ADGRL2: variants seen among roughly 807,000 people sequenced by gnomAD.
ADGRL2 encodes the protein calcium-independent alpha-latrotoxin receptor 2.
Under a neutral mutation model 157.4 loss-of-function variants are expected in ADGRL2, and 44 were observed. That is an observed-to-expected ratio of 0.28 (90% CI 0.22 to 0.36). The LOEUF is 0.36. ADGRL2 is among the 10% of genes least tolerant of loss of function. The pLI is 1.00. For synonymous variants in ADGRL2, 585 were observed against 624.7 expected (o/e 0.94, Z 0.95); for missense variants, 1,510 against 1,768.9 (o/e 0.85, Z 2.63).
At chr1:81,382,947 T>G (rs1298602194) in intron 1 of ADGRL2, among the ~76,000 whole-genome samples, 1 of 152,200 alleles carries the variant, frequency 6.6e-6, no homozygotes, top group Non-Finnish European at 1.5e-5. Flanking sequence ...TCTCCCTAAT[T>G]GTTTTACTTG....
At chr1:81,748,350 T>C (rs1194158772) in intron 1 of ADGRL2, among the ~76,000 whole-genome samples, 1 of 150,352 alleles carries the variant, frequency 6.7e-6, no homozygotes, top group African/African-American at 2.4e-5. Flanking sequence ...GCGCCTATAA[T>C]CCCAGCTACT....
At chr1:81,703,143 G>A (rs189158527) in intron 1 of ADGRL2, among the ~76,000 whole-genome samples, 16 of 152,280 alleles carry the variant, frequency 1.1e-4, no homozygotes, top group Admixed American at 7.8e-4. Context: ...AGATTTGTGG[G>A]CTGAAATATG....
intron 2 of ADGRL2, among the ~76,000 whole-genome samples, chr1:81,482,734 A>T (rs1453546764): frequency 6.6e-6 from 1 of 152,032 alleles, no homozygotes; most frequent in Non-Finnish European, 1.5e-5. Flanking sequence ...TAAATGTAAG[A>T]TAATTTCTTC....
chr1:81,468,938 C>T (rs1344625947), intron 2 of ADGRL2, among the ~76,000 whole-genome samples: 3 of 152,132 alleles, frequency 2.0e-5, no homozygotes, highest in Non-Finnish European at 2.9e-5. Context: ...GAAAATAGTA[C>T]AACCCAGTGA....
intron 3 of ADGRL2, among the ~76,000 whole-genome samples, chr1:81,601,442 G>A (rs2081332329): frequency 2.0e-5 from 3 of 152,172 alleles, no homozygotes; most frequent in South Asian, 2.1e-4. Flanking sequence ...TTTGGTGTAT[G>A]TCCCTGAGGA....
chr1:81,878,196 A>G (rs2093891479), intron 2 of ADGRL2, among the ~76,000 whole-genome samples: 2 of 152,130 alleles, frequency 1.3e-5, no homozygotes, highest in East Asian at 3.9e-4. Flanking sequence ...CTCAGGCACA[A>G]GAAGACTATT....
intron 2 of ADGRL2, among the ~76,000 whole-genome samples, chr1:81,494,392 G>A (rs1296245884): frequency 2.6e-5 from 4 of 152,032 alleles, no homozygotes; most frequent in African/African-American, 9.7e-5. Context: ...TCTTGGAATG[G>A]CTTTTCCCTG....
intron 1 of ADGRL2, among the ~76,000 whole-genome samples, chr1:81,442,316 T>C (rs541366460): frequency 3.3e-5 from 5 of 152,338 alleles, no homozygotes; most frequent in Middle Eastern, 3.4e-3. Flanking sequence ...AGATAGCCAA[T>C]GTTAATTCTT....
intron 1 of ADGRL2, among the ~76,000 whole-genome samples, chr1:81,380,765 C>T (rs1401646551): frequency 1.3e-5 from 2 of 151,926 alleles, no homozygotes; most frequent in Non-Finnish European, 2.9e-5. Flanking sequence ...TGTATTATAA[C>T]CTTATAATGT....
At chr1:81,802,008 C>A (rs1168490920) in intron 1 of ADGRL2, among the ~76,000 whole-genome samples, 1 of 151,240 alleles carries the variant, frequency 6.6e-6, no homozygotes, top group Non-Finnish European at 1.5e-5. Context: ...GCTGGCTGCT[C>A]GGCTGGAGGC....
At position 81,987,049 on chromosome 1, in the gene ADGRL2, A is replaced by G; in HGVS notation, c.3637+20A>G. 1 of 1,607,908 alleles carries G rather than the reference A, an allele frequency of 6.2e-7. No homozygotes were observed. On this transcript the variant is annotated intron_variant, in intron 22 of 23. Transcript: ENST00000686636. ...CACCAGGTGTGCTTTACTTACAAAT[A>G]AAACTACCTTTCTTTGCTGCTAAAC...
intron 1 of ADGRL2, among the ~76,000 whole-genome samples, chr1:81,359,976 T>C (rs1252882431): frequency 6.6e-6 from 1 of 152,014 alleles, no homozygotes; most frequent in African/African-American, 2.4e-5. Flanking sequence ...TAGACAATAA[T>C]CTATTCTCGC....
chr1:81,538,025 T>C (rs1300757672), intron 2 of ADGRL2, among the ~76,000 whole-genome samples: 2 of 152,192 alleles, frequency 1.3e-5, no homozygotes, highest in Non-Finnish European at 2.9e-5. Flanking sequence ...CAGGAAAAGA[T>C]AGGAAAAACA....
chr1:81,355,201 TA>T (rs1318526296), intron 1 of ADGRL2, among the ~76,000 whole-genome samples: 3 of 151,560 alleles, frequency 2.0e-5, no homozygotes, highest in East Asian at 3.9e-4. Context: ...AAAAACACAT[TA>T]AAAAAAATTG....
At chr1:81,910,737 A>T (rs185212182) in intron 3 of ADGRL2, among the ~76,000 whole-genome samples, 11,430 of 111,108 alleles carry the variant, frequency 0.1, 469 homozygotes, top group East Asian at 0.4. Flanking sequence ...GTCCTTTTTT[A>T]AAAAAAAAAC....
chr1:81,629,076 A>C (rs1278838037), intron 3 of ADGRL2, among the ~76,000 whole-genome samples: 2 of 152,212 alleles, frequency 1.3e-5, no homozygotes, highest in Non-Finnish European at 2.9e-5. Context: ...ATAGTGCAAG[A>C]GTGACCATTA....
At chr1:81,490,284 A>T (rs537719729) in intron 2 of ADGRL2, among the ~76,000 whole-genome samples, 275 of 152,186 alleles carry the variant, frequency 1.8e-3, no homozygotes, top group Non-Finnish European at 3.2e-3. Context: ...GGTGTGCGCC[A>T]TGATGTCTGG....
At position 81,859,403 on chromosome 1, in the gene ADGRL2, A is replaced by G. The variant is rs544207283; in HGVS notation, c.73+22346A>G. On this transcript the variant is annotated intron_variant, in intron 2 of 23. Transcript: ENST00000686636. ...TGTAAGTAAAATGACCATAGAATAA[A>G]ACCTTTTTTTTTTTTTTTTTTGAGA... Among the ~76,000 whole-genome samples the G allele has an allele frequency of 5.0e-5, 7 of 141,374 alleles. No individual in the cohort carries two copies. In the East Asian group the frequency reaches 1.4e-3, roughly 28 times the overall value. 92.7% of individuals were successfully genotyped at this position (141,374 alleles called of 152,430 possible).
At chr1:81,509,367 T>C in intron 2 of ADGRL2, among the ~76,000 whole-genome samples, 1 of 151,536 alleles carries the variant, frequency 6.6e-6, no homozygotes, top group Non-Finnish European at 1.5e-5. Context: ...ACCTAAGTGA[T>C]ATGGTAAAAA....
Sources: allele counts gnomAD v4.1 joint callset (sites outside exome capture counted in the v4.1 genomes callset), GRCh38; gene constraint gnomAD v4.1.1; transcripts MANE v1.5; gene names NCBI Gene and HGNC (gene_info 2026-07-23, HGNC 2026-07-21).